PRPF6: variants seen among roughly 807,000 people sequenced by gnomAD.
The protein encoded by PRPF6 is pre-mRNA-processing factor 6.
A neutral mutation model predicts 118.3 loss-of-function variants in PRPF6; 42 were observed. The observed-to-expected ratio is 0.35, with a 90% CI of 0.28 to 0.46. PRPF6 has a LOEUF of 0.46. Ranked by LOEUF, PRPF6 falls within the 20% of genes least tolerant of loss-of-function variation. The probability of loss-of-function intolerance (pLI) is 1.00; values close to 1 mark genes in which losing one functional copy is unlikely to be tolerated. For synonymous variants in PRPF6, 481 were observed against 485.1 expected, an observed-to-expected ratio of 0.99 and a Z score of 0.11; for missense variants, 662 against 1,255.7, an observed-to-expected ratio of 0.53 and a Z score of 7.15.
Position 64,029,089 on chromosome 20 carries a change from C to T in PRPF6, c.2432-288C>T, listed in dbSNP as rs2059303664. On this transcript the variant is annotated intron_variant, in intron 18 of 20. Transcript: ENST00000266079. This position sits in a 1 kb window ranked among gnomAD's most constrained non-coding sequence, Gnocchi z 4.8. ...GGCTGAGGCAGGAGAATTGCTTGAG[C>T]CCGGGAGTGGGAGGTTGCAGTGAGC... Among the ~76,000 whole-genome samples, 1 of 152,116 alleles carries T rather than the reference C, an allele frequency of 6.6e-6. No individual in the cohort carries two copies. The highest frequency in any genetic ancestry group is 2.1e-4 in the South Asian group (1 of 4,826).
At position 64,032,954 on chromosome 20, in the gene PRPF6, C is replaced by T. The variant is rs1334143480; in HGVS notation, c.2787C>T (p.Ile929=). Residue 929 remains isoleucine, a synonymous_variant, in exon 21 of 21, where the codon ATC becomes ATT. Coordinates refer to ENST00000266079, the MANE Select transcript of PRPF6 (RefSeq NM_012469.4). The stretch of plus-strand genomic sequence containing the variant: ...ACTGGCAGAAGAAGATCGGGGACAT[C>T]CTTAGGCTGGTGGCCGGCCGCATCA... The part of the protein sequence containing the change: ...IANWQKKIGD[I]LRLVAGRIKN... 1.2e-6 allele frequency: 2 copies of T among 1,613,434 alleles called. No individual in the cohort carries two copies. Among genetic ancestry groups the T allele is most frequent in the East Asian group, 2.2e-5 (1 of 44,884 alleles).
At chr20:64,022,199 A>G (rs1303445457) in intron 12 of PRPF6, among the ~76,000 whole-genome samples, 1 of 152,218 alleles carries the variant, frequency 6.6e-6, no homozygotes, top group South Asian at 2.1e-4. Flanking sequence ...TCTTTCATGT[A>G]CACTGGAGTA....
chr20:63,984,847 C>A (rs1459483502), intron 2 of PRPF6, 60 bp from the exon 3 acceptor site: 1 of 1,209,506 alleles, frequency 8.3e-7, no homozygotes. Context: ...ATCTCCGTTT[C>A]GCTGGTGGGG....
At chr20:64,000,611 C>T (rs2059162483) in intron 8 of PRPF6, among the ~76,000 whole-genome samples, 1 of 151,278 alleles carries the variant, frequency 6.6e-6, no homozygotes, top group Non-Finnish European at 1.5e-5. Context: ...CTCTGTTGCC[C>T]AGGCTGAAGT....
chr20:64,024,914 G>T (rs1212572937), intron 14 of PRPF6, among the ~76,000 whole-genome samples: 14 of 152,134 alleles, frequency 9.2e-5, no homozygotes, highest in Admixed American at 9.2e-4. Context: ...CCCCCACTCA[G>T]TGTGACCACG....
In PRPF6 at chr20:64,027,890, C is replaced by T. The variant is rs1468030013; in HGVS notation, c.2339+154C>T. ...GTGCTGGCCATGAAAAATCACGGTCCCTGCCTTAGGAGAGTTCGGCCTAGG... is the reference window on the plus strand; with the variant it reads ...GTGCTGGCCATGAAAAATCACGGTCTCTGCCTTAGGAGAGTTCGGCCTAGG... On this transcript the variant is annotated intron_variant, in intron 17 of 20. Coordinates refer to ENST00000266079, the MANE Select transcript of PRPF6 (RefSeq NM_012469.4). The surrounding 1 kb of genome is among the most constrained non-coding windows in gnomAD (Gnocchi z 6.5). Among the ~76,000 whole-genome samples, 1 of 152,130 alleles carries T rather than the reference C, an allele frequency of 6.6e-6. No individual in the cohort carries two copies. The highest frequency in any genetic ancestry group is 1.9e-4 in the East Asian group (1 of 5,186).
At chr20:64,002,016 T>TTG (rs2059168936) in intron 9 of PRPF6, among the ~76,000 whole-genome samples, 2 of 111,226 alleles carry the variant, frequency 1.8e-5, no homozygotes, top group African/African-American at 3.8e-5. Context: ...TTTTTCTGGT[T>TTG]TTTTTTTTTT....
rs139754665 is a variant in PRPF6 at position 63,983,140 on chromosome 20, C to A, written c.165C>A (p.Thr55=). ...GCCATGCACCCCCAGGCAAGAGAAC[C>A]GTTGGGGACCAGATGAAGAAAAATC... ...DDRHAPPGKR[T]VGDQMKKNQA... is the part of the protein sequence containing the mutation. Residue 55 remains threonine (T), a synonymous_variant, in exon 2 of 21, where the codon ACC becomes ACA. Transcript: ENST00000266079. 1.3e-5 allele frequency: 21 copies of A among 1,614,014 alleles called. No homozygotes were observed. The highest frequency in any genetic ancestry group is 1.8e-5 in the Non-Finnish European group (21 of 1,180,034).
chr20:64,019,454 GCT>G (rs1484861863), intron 12 of PRPF6, among the ~76,000 whole-genome samples: 3 of 152,106 alleles, frequency 2.0e-5, no homozygotes, highest in African/African-American at 7.2e-5. Flanking sequence ...TTTTCAAAGT[GCT>G]CGTGATGCTA....
In PRPF6 at chr20:64,007,421, C is replaced by T. The variant is rs1311063892; in HGVS notation, c.1187-2779C>T. 1.8e-4 allele frequency among the ~76,000 whole-genome samples: 25 copies of T among 141,182 alleles called. No individual in the cohort carries two copies. In the East Asian group the frequency reaches 2.0e-3, roughly 11 times the overall value. The allele number at this position is 141,182 out of a possible 152,430, so 92.6% of individuals were successfully genotyped here. A position where few individuals can be genotyped will look rare whatever the true frequency, so the allele number is the denominator to read the frequency against. On this transcript the variant is annotated intron_variant, in intron 9 of 20. Transcript: ENST00000266079. ...CGTCCCCTCTTCCCCTCCCCGCCTCCGCTTCCCTCCCCGCCTCCCCTCCCC... is the reference window on the plus strand; with the variant it reads ...CGTCCCCTCTTCCCCTCCCCGCCTCTGCTTCCCTCCCCGCCTCCCCTCCCC...
At chr20:64,020,785 ATTT>A (rs10670252) in intron 12 of PRPF6, among the ~76,000 whole-genome samples, 3 of 134,138 alleles carry the variant, frequency 2.2e-5, no homozygotes, top group Non-Finnish European at 4.7e-5. Context: ...ACTATACCTA[ATTT>A]TTTTTTTTTT....
chr20:64,029,515 G>T lies in PRPF6; in HGVS notation c.2546+24G>T, dbSNP rs753585530. The T allele has an allele frequency of 3.1e-6, 5 of 1,596,056 alleles. No homozygotes were observed. In the Admixed American group the frequency reaches 8.3e-5, roughly 27 times the overall value. On this transcript the variant is annotated intron_variant, in intron 19 of 20. Transcript: ENST00000266079. This position sits in a 1 kb window ranked among gnomAD's most constrained non-coding sequence, Gnocchi z 4.8. ...AAGTGAGTGGGGCCCCCACAGGATT[G>T]CTGAACCTCGGGGTCCTAATGGGCT...
chr20:63,986,688 C>T (rs1358610657), intron 3 of PRPF6, among the ~76,000 whole-genome samples: 1 of 151,498 alleles, frequency 6.6e-6, no homozygotes, highest in Admixed American at 6.6e-5. Context: ...CGGGATTTCA[C>T]TGTGTTAGCC....
rs201487454 is a variant in PRPF6, at chr20:63,999,098, G to C, written c.825G>C (p.Thr275=). 2 of 1,613,952 alleles carry C rather than the reference G, an allele frequency of 1.2e-6. No individual in the cohort carries two copies. The change falls in exon 7 of 21, where the codon ACG becomes ACC. Residue 275 remains threonine (T), a synonymous_variant. Transcript: ENST00000266079. The part of the protein sequence containing the change: ...QTVVDPKGYL[T]DLNSMIPTHG... ...TCGTTGACCCCAAAGGCTACCTGAC[G>C]GATTTAAATTCCATGATCCCGACAC... is the stretch of plus-strand genomic sequence containing the variant.
Position 63,999,053 on chromosome 20 carries a change from C to T in PRPF6, c.780C>T (p.Asp260=), listed in dbSNP as rs773609739. Residue 260 remains aspartate (D), a synonymous_variant, in exon 7 of 21, where the codon GAC becomes GAT. Transcript: ENST00000266079. ...LMDMRLSQVS[D]SVSGQTVVDP... is the part of the protein sequence containing the mutation. ...CTTGGCCTGTCTCACAGGTGTCTGA[C>T]TCCGTGAGTGGACAGACCGTCGTTG... 104 of 1,613,222 alleles carry T rather than the reference C, an allele frequency of 6.4e-5. No homozygotes were observed. The highest frequency in any genetic ancestry group is 8.3e-5 in the Admixed American group (5 of 59,940).
At chr20:63,981,999 C>A (rs540986772) in intron 1 of PRPF6, among the ~76,000 whole-genome samples, 5 of 151,846 alleles carry the variant, frequency 3.3e-5, no homozygotes, top group Admixed American at 2.0e-4. Context: ...TGACATTCTG[C>A]GTGTGGGAGT....
At chr20:64,024,155 C>T (rs751828487) in intron 13 of PRPF6, among the ~76,000 whole-genome samples, 2 of 152,024 alleles carry the variant, frequency 1.3e-5, no homozygotes, top group Admixed American at 6.6e-5. Flanking sequence ...TTTTGGATGC[C>T]GGGAGAGTGA....
intron 11 of PRPF6, among the ~76,000 whole-genome samples, chr20:64,013,742 T>C (rs1181014748): frequency 2.6e-5 from 4 of 152,170 alleles, no homozygotes; most frequent in Non-Finnish European, 5.9e-5. Flanking sequence ...ACCCAGCATA[T>C]GACAGGTTAT....
chr20:64,006,412 G>A (rs2059190025), intron 9 of PRPF6, among the ~76,000 whole-genome samples: 4 of 151,066 alleles, frequency 2.6e-5, no homozygotes, highest in Admixed American at 2.0e-4. Flanking sequence ...CGCCTCCTGG[G>A]TTCAAGGAAT....
Sources: gnomAD v4.1 joint callset for allele counts (sites outside exome capture counted in the v4.1 genomes callset) on GRCh38, gnomAD v4.1.1 for gene constraint, Gnocchi (gnomAD v3.1) non-coding constraint, MANE v1.5 for transcripts, NCBI Gene and HGNC (gene_info 2026-07-23, HGNC 2026-07-21) for gene names.